HTR4: variants seen among roughly 807,000 people sequenced by gnomAD.
The protein encoded by HTR4 is 5-hydroxytryptamine (serotonin) receptor 4, G protein-coupled.
A neutral mutation model predicts 36.8 loss-of-function variants in HTR4; 16 were observed. That is an observed-to-expected ratio of 0.43 (90% confidence interval 0.29 to 0.66). HTR4 has a LOEUF of 0.66. Ranked by LOEUF, HTR4 falls within the 30% of genes least tolerant of loss-of-function variation. The pLI, the probability that HTR4 is intolerant of heterozygous loss-of-function variation, is 0.13. For missense variants in HTR4, 438 were observed against 490.9 expected (o/e 0.89, Z 1.02); for synonymous variants, 189 against 185.1 (o/e 1.02, Z -0.17).
chr5:148,451,161 C>T (rs1229700590), exon 6 of HTR4: 1 of 1,613,424 alleles, frequency 6.2e-7, no homozygotes, highest in South Asian at 1.1e-5. Context: ...GAATGAATGG[C>T]TAAGTTGTGA....
chr5:148,591,998 T>C (rs753839306), intron 2 of HTR4, among the ~76,000 whole-genome samples: 21 of 152,248 alleles, frequency 1.4e-4, no homozygotes, highest in African/African-American at 4.6e-4. Flanking sequence ...ATGTCATCAA[T>C]GGCAGATTAG....
At chr5:148,528,048 T>G (rs543994306) in intron 4 of HTR4, among the ~76,000 whole-genome samples, 111 of 152,222 alleles carry the variant, frequency 7.3e-4, no homozygotes, top group African/African-American at 2.6e-3. Context: ...GATGTAGAAA[T>G]TTGCTCTTGC....
chr5:148,647,163 A>C (rs116748112), intron 1 of HTR4, among the ~76,000 whole-genome samples: 1 of 152,234 alleles, frequency 6.6e-6, no homozygotes, highest in Non-Finnish European at 1.5e-5. Flanking sequence ...CCACTCATGA[A>C]GTTCAAATAA....
intron 6 of HTR4, among the ~76,000 whole-genome samples, chr5:148,483,549 T>G (rs1755994093): frequency 6.6e-6 from 1 of 152,238 alleles, no homozygotes; most frequent in Non-Finnish European, 1.5e-5. Flanking sequence ...ATTACGCCTA[T>G]CAGGCCCCCT....
At chr5:148,579,859 G>T (rs1483091178) in intron 2 of HTR4, among the ~76,000 whole-genome samples, 1 of 151,916 alleles carries the variant, frequency 6.6e-6, no homozygotes, top group Non-Finnish European at 1.5e-5. Flanking sequence ...GCTGATTTCT[G>T]CATCTCTTTC....
chr5:148,469,829 G>T (rs1755520379), intron 5 of HTR4, among the ~76,000 whole-genome samples: 1 of 152,208 alleles, frequency 6.6e-6, no homozygotes. Flanking sequence ...TGATGGAGAG[G>T]CAGTATGATG....
chr5:148,466,406 A>G (rs1456762476), intron 5 of HTR4, among the ~76,000 whole-genome samples: 1 of 152,220 alleles, frequency 6.6e-6, no homozygotes, highest in Admixed American at 6.5e-5. Context: ...AATTCATTTA[A>G]CAATACAAAC....
Position 148,583,611 on chromosome 5 carries a change from CCATCATCAT to C in HTR4, c.27-33358_27-33350del, listed in dbSNP as rs112185238. 2.5e-3 allele frequency among the ~76,000 whole-genome samples: 372 copies of C among 147,976 alleles called. 1 individual carries two copies. The highest frequency in any genetic ancestry group is 7.9e-3 in the African/African-American group (319 of 40,134). ...AGAAAACACTCATTAATACTAATTGCCATCATCATCATCATCATCATCATCATCATCATC... is the reference window on the plus strand; with the variant it reads ...AGAAAACACTCATTAATACTAATTGCCATCATCATCATCATCATCATCATC... On this transcript the variant is annotated intron_variant, in intron 2 of 6. Coordinates refer to ENST00000377888, the MANE Select transcript of HTR4 (RefSeq NM_000870.7).
intron 5 of HTR4, among the ~76,000 whole-genome samples, chr5:148,514,825 C>T (rs2113781083): frequency 1.3e-5 from 2 of 152,156 alleles, no homozygotes; most frequent in Middle Eastern, 3.4e-3. Context: ...TATTCTATCA[C>T]TAATAATAGT....
intron 6 of HTR4, among the ~76,000 whole-genome samples, chr5:148,484,747 T>G (rs1280482089): frequency 6.6e-6 from 1 of 152,214 alleles, no homozygotes; most frequent in Non-Finnish European, 1.5e-5. Flanking sequence ...ATCTAACTAT[T>G]TCTGGGTTAG....
chr5:148,464,312 GA>G (rs777002972), intron 5 of HTR4, among the ~76,000 whole-genome samples: 1 of 152,010 alleles, frequency 6.6e-6, no homozygotes, highest in Non-Finnish European at 1.5e-5. Context: ...CATAGACTGG[GA>G]AAAAATATTT....
intron 5 of HTR4, among the ~76,000 whole-genome samples, chr5:148,458,594 G>T (rs115456378): frequency 1.3e-5 from 2 of 152,110 alleles, no homozygotes; most frequent in African/African-American, 4.8e-5. Context: ...CTGAGGAAGC[G>T]ACAGGAGATG....
At chr5:148,591,144 T>G (rs1473093014) in intron 2 of HTR4, among the ~76,000 whole-genome samples, 1 of 152,210 alleles carries the variant, frequency 6.6e-6, no homozygotes. Context: ...GTCATAGATG[T>G]GCAGCCTTAT....
chr5:148,630,246 G>A (rs1173484551), intron 2 of HTR4: 1 of 152,146 alleles, frequency 6.6e-6, no homozygotes, highest in Admixed American at 6.5e-5. Context: ...AAATAAGTCA[G>A]GGGTATTTTC....
chr5:148,541,795 C>A (rs1042449846), intron 4 of HTR4, among the ~76,000 whole-genome samples: 1 of 152,054 alleles, frequency 6.6e-6, no homozygotes, highest in Non-Finnish European at 1.5e-5. Flanking sequence ...AAGGGCTTTC[C>A]TATGGGTTTT....
chr5:148,576,722 A>G lies in HTR4; in HGVS notation c.27-26460T>C, dbSNP rs557492235. Among the ~76,000 whole-genome samples, 3 of 152,224 alleles carry G rather than the reference A, an allele frequency of 2.0e-5. No individual in the cohort carries two copies. In the Middle Eastern group the frequency reaches 0.01, roughly 518 times the overall value. On this transcript the variant is annotated intron_variant, in intron 2 of 6. Transcript: ENST00000377888. ...CTGACAAAAATAAGCAATGGGGAAA[A>G]GACTCCCTATTCAATAAAGGGTGCT... is the stretch of plus-strand genomic sequence containing the variant.
chr5:148,545,964 G>C (rs897054448), intron 4 of HTR4, among the ~76,000 whole-genome samples: 5 of 152,192 alleles, frequency 3.3e-5, no homozygotes, highest in Non-Finnish European at 7.3e-5. Context: ...AATTAGGAAA[G>C]TGTTGAGTGA....
At chr5:148,580,588 T>C (rs1263178636) in intron 2 of HTR4, among the ~76,000 whole-genome samples, 3 of 152,138 alleles carry the variant, frequency 2.0e-5, no homozygotes, top group Non-Finnish European at 4.4e-5. Context: ...CCTTTGACTG[T>C]TTTAGATGCC....
chr5:148,534,755 C>G (rs1317266494), intron 4 of HTR4, among the ~76,000 whole-genome samples: 1 of 152,064 alleles, frequency 6.6e-6, no homozygotes, highest in East Asian at 1.9e-4. Flanking sequence ...ACCCTTCAGT[C>G]TGGGCTGACT....
Sources: gnomAD v4.1 joint callset for allele counts (sites outside exome capture counted in the v4.1 genomes callset) on GRCh38, gnomAD v4.1.1 for gene constraint, MANE v1.5 for transcripts, NCBI Gene and HGNC (gene_info 2026-07-23, HGNC 2026-07-21) for gene names.